PLEKHH2: variants seen among roughly 807,000 people sequenced by gnomAD.
PLEKHH2 encodes the protein pleckstrin homology domain-containing family H member 2.
In PLEKHH2, 129 loss-of-function variants were observed where a neutral mutation model predicts 187.9. The observed-to-expected ratio is 0.69, with a 90% CI of 0.59 to 0.79. The LOEUF is 0.79. PLEKHH2 is among the 30% of genes least tolerant of loss of function. The pLI is 0.00. For missense variants in PLEKHH2, 2,076 were observed against 1,751.2 expected (o/e 1.19, Z -3.31); for synonymous variants, 686 against 605.6 (o/e 1.13, Z -1.95).
At position 43,695,536 on chromosome 2, in the gene PLEKHH2, C is replaced by T. The variant is rs78516626; in HGVS notation, c.502+312C>T. On this transcript the variant is annotated intron_variant, in intron 6 of 29. Transcript: ENST00000282406. ...CCTTCCATTGGTACACTTTTTAGAA[C>T]CAAACTAAGTTCCAGAGAGTCCAGC... 1.7e-3 allele frequency among the ~76,000 whole-genome samples: 259 copies of T among 152,320 alleles called. 10 individuals carry two copies. In the East Asian group the frequency reaches 0.033, roughly 19 times the overall value.
chr2:43,668,126 G>A (rs555890173), intron 2 of PLEKHH2, among the ~76,000 whole-genome samples: 71 of 152,092 alleles, frequency 4.7e-4, no homozygotes, highest in African/African-American at 1.4e-3. Context: ...TCTGCCACCC[G>A]GGTTCAAGTG....
At chr2:43,706,572 A>C (rs1351066823) in intron 10 of PLEKHH2, among the ~76,000 whole-genome samples, 156 bp downstream of exon 10, 3 of 152,224 alleles carry the variant, frequency 2.0e-5, no homozygotes, top group Admixed American at 1.3e-4. Flanking sequence ...CATAAAAAAG[A>C]AGGAATGGAA....
chr2:43,657,040 CAAAATAAA>C, intron 2 of PLEKHH2, among the ~76,000 whole-genome samples: 1 of 60,666 alleles, frequency 1.6e-5, no homozygotes, highest in African/African-American at 6.6e-5. Flanking sequence ...CAAAACAAAA[CAAAATAAA>C]ACAAAAAAAC....
intron 2 of PLEKHH2, among the ~76,000 whole-genome samples, chr2:43,659,608 A>T (rs1666966917): frequency 6.8e-6 from 1 of 147,120 alleles, no homozygotes; most frequent in African/African-American, 2.5e-5. Context: ...ACTGCACTGG[A>T]GTGCAGTGGT....
chr2:43,708,496 A>G (rs902125192), intron 11 of PLEKHH2, among the ~76,000 whole-genome samples: 2 of 152,158 alleles, frequency 1.3e-5, no homozygotes, highest in Middle Eastern at 3.4e-3. Context: ...CTGCTTTCTC[A>G]ATGAGGTCCA....
At chr2:43,746,956 C>T (rs546391887) in intron 24 of PLEKHH2, among the ~76,000 whole-genome samples, 3 of 151,228 alleles carry the variant, frequency 2.0e-5, no homozygotes, top group South Asian at 2.1e-4. Context: ...GACGACAAAG[C>T]GAGACTCTGT....
intron 14 of PLEKHH2, chr2:43,711,394 C>T: frequency 1.0e-6 from 1 of 984,426 alleles, no homozygotes; most frequent in Non-Finnish European, 1.2e-6. Context: ...GGAAAATTTG[C>T]AGTGTGGCTA....
chr2:43,683,846 G>A (rs1441064442), intron 3 of PLEKHH2, among the ~76,000 whole-genome samples: 1 of 151,936 alleles, frequency 6.6e-6, no homozygotes, highest in Non-Finnish European at 1.5e-5. Context: ...ATTTCATCAG[G>A]GAGGTTATTG....
intron 15 of PLEKHH2, among the ~76,000 whole-genome samples, chr2:43,712,694 A>AAC (rs1211666820): frequency 6.6e-6 from 1 of 152,218 alleles, no homozygotes; most frequent in African/African-American, 2.4e-5. Flanking sequence ...ATTAATATTT[A>AAC]ACACGTTTTT....
At chr2:43,706,089 C>T (rs1669642249) in intron 9 of PLEKHH2, among the ~76,000 whole-genome samples, 1 of 152,164 alleles carries the variant, frequency 6.6e-6, no homozygotes, top group Non-Finnish European at 1.5e-5. Flanking sequence ...TCTCAAAGAG[C>T]TTGCAGTCTA....
chr2:43,654,622 A>C lies in PLEKHH2; in HGVS notation c.123+9826A>C, dbSNP rs565036457. Among the ~76,000 whole-genome samples, 10 of 146,152 alleles carry C rather than the reference A, an allele frequency of 6.8e-5. No homozygotes were observed. In the South Asian group the frequency reaches 1.9e-3, roughly 28 times the overall value. ...GGCTGCCACAGTGGCTCATGTCTGT[A>C]ATCCCAGTGCTTTGGAAGGCCGAGA... On this transcript the variant is annotated intron_variant, in intron 2 of 29. Coordinates refer to ENST00000282406, the MANE Select transcript of PLEKHH2 (RefSeq NM_172069.4).
Position 43,741,271 on chromosome 2 carries a change from A to AT in PLEKHH2, c.3221+229dup, listed in dbSNP as rs1226168214. 1.9e-4 allele frequency: 61 copies of AT among 327,934 alleles called. 1 individual carries two copies. The highest frequency in any genetic ancestry group is 2.8e-4 in the Non-Finnish European group (52 of 182,858). 20.3% of individuals were successfully genotyped at this position (327,934 alleles called of 1,614,324 possible). ...TAAATACTTGAAAAACTGACAGAGA[A>AT]TATTTTTAAGTGAAAAGTGCATTTG... On this transcript the variant is annotated intron_variant, in intron 21 of 29. Transcript: ENST00000282406.
chr2:43,669,929 G>C (rs1423716854), intron 2 of PLEKHH2, among the ~76,000 whole-genome samples: 1 of 152,108 alleles, frequency 6.6e-6, no homozygotes, highest in Non-Finnish European at 1.5e-5. Context: ...ACAGATAAAA[G>C]AAGCCCCTGA....
At position 43,700,273 on chromosome 2, in the gene PLEKHH2, C is replaced by G. The variant is rs765285227; in HGVS notation, c.1315C>G (p.Pro439Ala). ...QLVPSSHLPP[P>A]KLRIPNVFSI... ...AGTGCCTTCATCACACCTGCCACCC[C>G]CAAAGTTAAGGATTCCTAATGTTTT... Residue 439 changes from proline to alanine, a missense_variant, in exon 8 of 30, where the codon CCA becomes GCA. Pro to Ala is a conservative substitution (Grantham distance 27). Transcript: ENST00000282406. 3 of 1,614,124 alleles carry G rather than the reference C, an allele frequency of 1.9e-6. No homozygotes were observed. In the South Asian group the frequency reaches 3.3e-5, roughly 18 times the overall value.
chr2:43,747,553 G>T (rs114163265), intron 24 of PLEKHH2, among the ~76,000 whole-genome samples: 1 of 152,142 alleles, frequency 6.6e-6, no homozygotes, highest in Non-Finnish European at 1.5e-5. Flanking sequence ...AGATAAAATG[G>T]TAATGTACTT....
At chr2:43,650,790 C>G (rs1337254075) in intron 2 of PLEKHH2, among the ~76,000 whole-genome samples, 1 of 151,860 alleles carries the variant, frequency 6.6e-6, no homozygotes, top group Admixed American at 6.6e-5. Context: ...GGACTACAGT[C>G]ATGCATCACC....
At chr2:43,741,097 A>T in intron 21 of PLEKHH2, 54 bp downstream of exon 21, 1 of 1,475,288 alleles carries the variant, frequency 6.8e-7, no homozygotes, top group African/African-American at 1.4e-5. Flanking sequence ...AAAGTCTACG[A>T]TAAATCATAA....
chr2:43,707,542 C>G lies in PLEKHH2; in HGVS notation c.1963C>G (p.Arg655Gly), dbSNP rs147803789. ...GCCAGGCAGCCCCAGAGCCATGAAACGAGGTGAGGGAAAATCGCAGGCATA... is the reference window on the plus strand; with the variant it reads ...GCCAGGCAGCCCCAGAGCCATGAAAGGAGGTGAGGGAAAATCGCAGGCATA... ...SGPGSPRAMK[R>G]GVSLSSVASE... Residue 655 changes from arginine to glycine, a missense_variant, in exon 11 of 30, where the codon CGA becomes GGA. Transcript: ENST00000282406. The G allele has an allele frequency of 1.9e-6, 3 of 1,613,686 alleles. No homozygotes were observed. Among genetic ancestry groups the G allele is most frequent in the Non-Finnish European group, 2.5e-6 (3 of 1,179,752 alleles).
rs1051621778 is a variant in PLEKHH2 at position 43,681,307 on chromosome 2, G to C, written c.186+2382G>C. Reference sequence around the variant, plus strand: ...GCTGGCTGACTGTAACTCTGTCTGTGTTGGTGAGGAATTTGGTGTTCTCAG... The same window carrying C: ...GCTGGCTGACTGTAACTCTGTCTGTCTTGGTGAGGAATTTGGTGTTCTCAG... On this transcript the variant is annotated intron_variant, in intron 3 of 29. Coordinates refer to ENST00000282406, the MANE Select transcript of PLEKHH2 (RefSeq NM_172069.4). 6 of 798,344 alleles carry C rather than the reference G, an allele frequency of 7.5e-6. No homozygotes were observed. The East Asian group carries it at 1.5e-4, about 20-fold the overall frequency. The allele number at this position is 798,344 out of a possible 1,614,324, so 49.5% of individuals were successfully genotyped here.
Sources: allele counts gnomAD v4.1 joint callset (sites outside exome capture counted in the v4.1 genomes callset), GRCh38; gene constraint gnomAD v4.1.1; transcripts MANE v1.5; gene names NCBI Gene and HGNC (gene_info 2026-07-23, HGNC 2026-07-21).